The following CPEB3 variants were observed in gnomAD, a reference collection of about 807,000 sequenced individuals.
CPEB3 encodes cytoplasmic polyadenylation element binding protein 3.
In CPEB3, 20 loss-of-function variants were observed where a neutral mutation model predicts 67.2. That is an observed-to-expected ratio of 0.30 (90% CI 0.21 to 0.43). CPEB3 has a LOEUF of 0.43. CPEB3 is among the 20% of genes least tolerant of loss of function. The probability of loss-of-function intolerance (pLI) is 1.00; values close to 1 mark genes in which losing one functional copy is unlikely to be tolerated. For missense variants in CPEB3, 746 were observed against 968.6 expected (o/e 0.77, Z 3.05); for synonymous variants, 376 against 393.1 (o/e 0.96, Z 0.51).
intron 2 of CPEB3, among the ~76,000 whole-genome samples, chr10:92,207,684 A>G (rs1344654203): frequency 6.6e-6 from 1 of 152,198 alleles, no homozygotes; most frequent in African/African-American, 2.4e-5. Flanking sequence ...ACTCTGGCCA[A>G]CATGGTGAAA....
At chr10:92,153,926 C>A (rs961754585) in intron 4 of CPEB3, among the ~76,000 whole-genome samples, 2 of 151,606 alleles carry the variant, frequency 1.3e-5, no homozygotes, top group Non-Finnish European at 2.9e-5. Flanking sequence ...TCCAAAATGA[C>A]ACTACCTGGT....
In CPEB3 at chr10:92,119,099, T is replaced by C. The variant is rs568945597; in HGVS notation, c.1454-7905A>G. The C allele has an allele frequency of 3.2e-4, 513 of 1,584,648 alleles. 2 individuals are homozygous for C. In the African/African-American group the frequency reaches 5.9e-3, roughly 18 times the overall value. ...AAAAGGCCTGAAGATTCCCCAGCTA[T>C]ACCAGTCTGGAGTGGCTGTCCTGGT... On this transcript the variant is annotated intron_variant, in intron 6 of 9. Transcript: ENST00000265997.
intron 3 of CPEB3, among the ~76,000 whole-genome samples, chr10:92,190,298 C>G (rs1265986778): frequency 6.6e-6 from 1 of 150,434 alleles, no homozygotes; most frequent in African/African-American, 2.4e-5. Flanking sequence ...AACAAAAATC[C>G]AGTTACCCTG....
chr10:92,215,573 C>A lies in CPEB3; in HGVS notation c.1006-22937G>T, dbSNP rs770405028. Among the ~76,000 whole-genome samples, 6 of 147,582 alleles carry A rather than the reference C, an allele frequency of 4.1e-5. No individual in the cohort carries two copies. In the East Asian group the frequency reaches 1.2e-3, roughly 30 times the overall value. ...TTTCCTGCCTCTGCCTCCTGAGTAG[C>A]TGGGATTACAGGCGCCCACCACTAC... is the stretch of plus-strand genomic sequence containing the variant. On this transcript the variant is annotated intron_variant, in intron 2 of 9. Transcript: ENST00000265997.
chr10:92,189,453 G>A (rs78198349), intron 3 of CPEB3, among the ~76,000 whole-genome samples: 3,746 of 152,126 alleles, frequency 0.025, 53 homozygotes, highest in Non-Finnish European at 0.037. Flanking sequence ...TTTGATCTTC[G>A]CACTCACTCT....
At chr10:92,238,311 G>T (rs1851638537) in intron 2 of CPEB3, among the ~76,000 whole-genome samples, 1 of 152,174 alleles carries the variant, frequency 6.6e-6, no homozygotes, top group South Asian at 2.1e-4. Context: ...AAGATGCCCA[G>T]GACACTGCCA....
chr10:92,204,258 A>C (rs954602313), intron 2 of CPEB3: 2 of 151,924 alleles, frequency 1.3e-5, no homozygotes, highest in Non-Finnish European at 2.9e-5. Context: ...CCAGAATCTG[A>C]CAGGGGCTGC....
intron 6 of CPEB3, among the ~76,000 whole-genome samples, chr10:92,125,495 A>G (rs1463869487): frequency 6.6e-6 from 1 of 152,108 alleles, no homozygotes; most frequent in Admixed American, 6.5e-5. Flanking sequence ...CTGTCCCACT[A>G]TGAGAGGTGA....
intron 2 of CPEB3, among the ~76,000 whole-genome samples, chr10:92,198,687 C>T (rs1208163072): frequency 6.6e-6 from 1 of 152,196 alleles, no homozygotes; most frequent in Non-Finnish European, 1.5e-5. Context: ...GTTCTATCTC[C>T]CTCCTCACTA....
At chr10:92,289,732 A>AAATATATAT in intron 1 of CPEB3, among the ~76,000 whole-genome samples, 5 of 75,766 alleles carry the variant, frequency 6.6e-5, no homozygotes, top group African/African-American at 2.0e-4. Flanking sequence ...AAAAAAAAAA[A>AAATATATAT]ATATATATAT....
At chr10:92,228,624 C>A (rs1190883343) in intron 2 of CPEB3, among the ~76,000 whole-genome samples, 1 of 152,070 alleles carries the variant, frequency 6.6e-6, no homozygotes, top group Non-Finnish European at 1.5e-5. Flanking sequence ...CCTTTTATAT[C>A]TCTGCTTTCT....
At chr10:92,117,423 A>G (rs1274665606) in intron 6 of CPEB3, among the ~76,000 whole-genome samples, 38 of 137,872 alleles carry the variant, frequency 2.8e-4, no homozygotes, top group Admixed American at 4.8e-4. Flanking sequence ...TCCGCCTCCC[A>G]GGTTCAAGCC....
chr10:92,262,209 G>A (rs1852833233), intron 1 of CPEB3, among the ~76,000 whole-genome samples: 1 of 152,192 alleles, frequency 6.6e-6, no homozygotes, highest in African/African-American at 2.4e-5. Flanking sequence ...AACAGATCAC[G>A]ATATCATCAC....
At chr10:92,216,353 C>A (rs976462150) in intron 2 of CPEB3, 6 of 1,607,258 alleles carry the variant, frequency 3.7e-6, no homozygotes, top group Admixed American at 1.7e-5. Context: ...AAAGGCAGAT[C>A]CCGAAGGGCC....
intron 6 of CPEB3, among the ~76,000 whole-genome samples, chr10:92,135,585 T>C (rs950251704): frequency 1.3e-5 from 2 of 152,140 alleles, no homozygotes; most frequent in African/African-American, 4.8e-5. Context: ...AGTTCAACCA[T>C]TGTGGAAGAC....
Position 92,049,496 on chromosome 10 carries a change from A to G in CPEB3, c.*2716T>C, listed in dbSNP as rs1395299894. 3 of 152,654 alleles carry G rather than the reference A, an allele frequency of 2.0e-5. No homozygotes were observed. Among genetic ancestry groups the G allele is most frequent in the Non-Finnish European group, 4.4e-5 (3 of 68,050 alleles). 9.5% of individuals were successfully genotyped at this position (152,654 alleles called of 1,614,324 possible). On this transcript the variant is annotated 3_prime_UTR_variant, in exon 10 of 10. Coordinates refer to ENST00000265997, the MANE Select transcript of CPEB3 (RefSeq NM_014912.5). ...TTTACAAAACAAAAGGGAACATGTTATAATTTAATAAACTAAAAAAGTTCT... is the reference window on the plus strand; with the variant it reads ...TTTACAAAACAAAAGGGAACATGTTGTAATTTAATAAACTAAAAAAGTTCT...
At chr10:92,124,205 C>A (rs983026933) in intron 6 of CPEB3, among the ~76,000 whole-genome samples, 2 of 152,192 alleles carry the variant, frequency 1.3e-5, no homozygotes, top group African/African-American at 4.8e-5. Context: ...ACTTAGGTGA[C>A]CTTGAACAAG....
intron 2 of CPEB3, among the ~76,000 whole-genome samples, chr10:92,223,151 C>T (rs192086694): frequency 1.3e-5 from 2 of 152,282 alleles, no homozygotes; most frequent in Admixed American, 1.3e-4. Context: ...TCTCAGGGTA[C>T]AATTTAGGAA....
chr10:92,118,259 G>A (rs1174274458), intron 6 of CPEB3, among the ~76,000 whole-genome samples: 3 of 152,072 alleles, frequency 2.0e-5, no homozygotes, highest in Non-Finnish European at 4.4e-5. Flanking sequence ...AGCCTACCAA[G>A]TAGCTGGGAT....
Sources: gnomAD v4.1 joint callset for allele counts (sites outside exome capture counted in the v4.1 genomes callset) on GRCh38, gnomAD v4.1.1 for gene constraint, MANE v1.5 for transcripts, NCBI Gene and HGNC (gene_info 2026-07-23, HGNC 2026-07-21) for gene names.